Variants in SOS1 observed in about 807,000 individuals in gnomAD.
SOS1 encodes SOS Ras/Rac guanine nucleotide exchange factor 1, also known as son of sevenless homolog 1.
Under a neutral mutation model 157.6 loss-of-function variants are expected in SOS1, and 25 were observed. The observed-to-expected ratio is 0.16, with a 90% CI of 0.12 to 0.22. The LOEUF (loss-of-function observed/expected upper bound fraction) is 0.22, where lower values mean the gene tolerates loss of function less well. SOS1 is among the 10% of genes least tolerant of loss of function. SOS1 has a pLI of 1.00. For missense variants in SOS1, 1,237 were observed against 1,599.1 expected (o/e 0.77, Z 3.86); for synonymous variants, 528 against 534.0 (o/e 0.99, Z 0.16).
In SOS1 at chr2:38,986,128, A is replaced by C. The variant is rs1668551253; in HGVS notation, c.3698T>G (p.Leu1233Arg). The C allele has an allele frequency of 1.9e-6, 3 of 1,613,572 alleles. No homozygotes were observed. Among genetic ancestry groups the C allele is most frequent in the African/African-American group, 1.3e-5 (1 of 74,886 alleles). The change falls in exon 23 of 23, where the codon CTC (leucine) becomes CGC (arginine). Residue 1233 changes from leucine to arginine, a missense_variant. This residue lies in a region of SOS1 where 306 missense variants were observed against 322.6 expected (regional missense o/e 0.95). Coordinates refer to ENST00000402219, the MANE Select transcript of SOS1 (RefSeq NM_005633.4). ...TTTTTTGCCCAAAGGGGGAGGTTGG[A>C]GATGTAGTGGTGAGCTTGAGAAAAC... The part of the protein sequence containing the change: ...PDVFSSSPLH[L>R]QPPPLGKKSD...
intron 1 of SOS1, among the ~76,000 whole-genome samples, chr2:39,092,190 T>C (rs540266304): frequency 6.6e-6 from 1 of 152,164 alleles, no homozygotes; most frequent in Non-Finnish European, 1.5e-5. Flanking sequence ...ACTCTAGTCA[T>C]ACTGGTTTTT....
chr2:39,043,972 T>C lies in SOS1; in HGVS notation c.864+7172A>G, dbSNP rs183872436. Among the ~76,000 whole-genome samples, 44 of 152,358 alleles carry C rather than the reference T, an allele frequency of 2.9e-4. No homozygotes were observed. In the East Asian group the frequency reaches 3.5e-3, roughly 12 times the overall value. On this transcript the variant is annotated intron_variant, in intron 6 of 22. Transcript: ENST00000402219. ...ATTCATTTTTTAATGTTTTTTAACT[T>C]AGGACATTGATGCTACTCTTTTACA...
At chr2:39,003,066 C>CAAAAAAAAAACA (rs376161311) in intron 17 of SOS1, among the ~76,000 whole-genome samples, 18,257 of 71,340 alleles carry the variant, frequency 0.26, 1,458 homozygotes, top group Non-Finnish European at 0.39. Flanking sequence ...GACCTTGTAT[C>CAAAAAAAAAACA]AAAAAAAAAA....
rs58568306 is a variant in SOS1 at position 39,080,702 on chromosome 2, C to T, written c.88-12949G>A. On this transcript the variant is annotated intron_variant, in intron 1 of 22. Transcript: ENST00000402219. Reference sequence around the variant, plus strand: ...ACAAATAAATTGATACAACTATAAACGCGGTCCTGGTATTTAGGCATATGA... The same window carrying T: ...ACAAATAAATTGATACAACTATAAATGCGGTCCTGGTATTTAGGCATATGA... 9.2e-5 allele frequency among the ~76,000 whole-genome samples: 14 copies of T among 151,800 alleles called. No individual in the cohort carries two copies. In the East Asian group the frequency reaches 1.2e-3, roughly 13 times the overall value.
chr2:39,088,907 T>C (rs1672477846), intron 1 of SOS1, among the ~76,000 whole-genome samples: 4 of 152,230 alleles, frequency 2.6e-5, no homozygotes, highest in Admixed American at 2.6e-4. Flanking sequence ...ACAGAAGCTA[T>C]ACCATTTTAG....
chr2:39,072,659 GTTTT>G (rs1671828865), intron 1 of SOS1, among the ~76,000 whole-genome samples: 1 of 152,136 alleles, frequency 6.6e-6, no homozygotes, highest in African/African-American at 2.4e-5. Context: ...TTCATATTCA[GTTTT>G]ATTTATTGAT....
chr2:39,115,965 C>A (rs1673634766), intron 1 of SOS1, among the ~76,000 whole-genome samples: 1 of 151,542 alleles, frequency 6.6e-6, no homozygotes, highest in Non-Finnish European at 1.5e-5. Flanking sequence ...CAATAGTATT[C>A]CACTGTTTGT....
intron 1 of SOS1, among the ~76,000 whole-genome samples, chr2:39,109,782 T>A (rs908405644): frequency 6.6e-6 from 1 of 152,210 alleles, no homozygotes; most frequent in East Asian, 1.9e-4. Context: ...ATGTACACAA[T>A]ATTGCCTAGG....
In SOS1 at chr2:38,986,286, TG is replaced by T; in HGVS notation, c.3539del (p.Pro1180GlnfsTer41). ...ATGTGGGTTGCCTAGGAGGAATGGCTGGGGGACTGTCCAAATGCTTAGACAT... is the reference window on the plus strand; with the variant it reads ...ATGTGGGTTGCCTAGGAGGAATGGCTGGGGACTGTCCAAATGCTTAGACAT... The part of the protein sequence containing the change: ...KIMSKHLDSP[P>X]AIPPRQPTSK... On this transcript the variant is annotated frameshift_variant, in exon 23 of 23. Transcript: ENST00000402219. LOFTEE classifies it high-confidence loss of function. 1 of 1,613,110 alleles carries T rather than the reference TG, an allele frequency of 6.2e-7. No homozygotes were observed.
chr2:39,000,748 G>A (rs1430837063), intron 17 of SOS1, among the ~76,000 whole-genome samples: 1 of 152,178 alleles, frequency 6.6e-6, no homozygotes, highest in Non-Finnish European at 1.5e-5. Flanking sequence ...AGAAACTACG[G>A]AACTGTATCT....
chr2:39,024,126 T>C lies in SOS1; in HGVS notation c.1086A>G (p.Glu362=). The stretch of plus-strand genomic sequence containing the variant: ...CCTTGTCTTCTTGATCTTCACTTTT[T>C]TCTTCTAACTGCTGTAAAGCCAAAA... ...HYFELLKQLE[E]KSEDQEDKEC... The change falls in exon 9 of 23, where the codon GAA becomes GAG. Residue 362 remains glutamate (E), a synonymous_variant. Transcript: ENST00000402219. 1 of 1,611,598 alleles carries C rather than the reference T, an allele frequency of 6.2e-7. No homozygotes were observed. The highest frequency in any genetic ancestry group is 8.5e-7 in the Non-Finnish European group (1 of 1,177,950).
chr2:39,035,286 C>T lies in SOS1; in HGVS notation c.1000G>A (p.Ala334Thr), dbSNP rs765820430. The change falls in exon 8 of 23, where the codon GCT becomes ACT. Residue 334 changes from alanine to threonine, a missense_variant. Ala to Thr is a moderately conservative substitution (Grantham distance 58). Coordinates refer to ENST00000402219, the MANE Select transcript of SOS1 (RefSeq NM_005633.4). ...AGCCTGGGTAAAACATATTGAACAG[C>T]TTCTTTGAAACCTTCGCCTATTGAC... ...LQSIGEGFKE[A>T]VQYVLPRLLL... The T allele has an allele frequency of 2.5e-6, 4 of 1,613,634 alleles. No individual in the cohort carries two copies. In the Admixed American group the frequency reaches 6.7e-5, roughly 27 times the overall value.
Position 39,023,219 on chromosome 2 carries a change from A to G in SOS1, c.1209T>C (p.Ser403=). ...KSLAKRRLSE[S]ACRFYSQQMK... ...TTTGCTGACTATAAAACCGACATGC[A>G]GATTCACTGGAATAAAGAAAAAGAC... Residue 403 remains serine, a synonymous_variant, in exon 10 of 23, where the codon TCT becomes TCC. Coordinates refer to ENST00000402219, the MANE Select transcript of SOS1 (RefSeq NM_005633.4). The G allele has an allele frequency of 1.9e-6, 3 of 1,611,924 alleles. No individual in the cohort carries two copies. Among genetic ancestry groups the G allele is most frequent in the Non-Finnish European group, 2.5e-6 (3 of 1,178,402 alleles).
chr2:39,112,196 C>T (rs1052062235), intron 1 of SOS1, among the ~76,000 whole-genome samples: 3 of 151,830 alleles, frequency 2.0e-5, no homozygotes, highest in African/African-American at 4.9e-5. Context: ...TCTCTACTGC[C>T]GCTACCTGCA....
At chr2:39,013,672 T>G in intron 12 of SOS1, 109 bp from the exon 13 acceptor site, 1 of 940,826 alleles carries the variant, frequency 1.1e-6, no homozygotes, top group Non-Finnish European at 1.8e-6. Context: ...AAATTAATCT[T>G]ATCAGTGTGC....
intron 1 of SOS1, among the ~76,000 whole-genome samples, chr2:39,111,232 C>CAA (rs577025319): frequency 6.7e-6 from 1 of 149,354 alleles, no homozygotes; most frequent in Non-Finnish European, 1.5e-5. Flanking sequence ...GACTCCATCT[C>CAA]AAAAAAAAAT....
intron 1 of SOS1, among the ~76,000 whole-genome samples, chr2:39,070,719 T>C (rs757288735): frequency 6.6e-6 from 1 of 152,218 alleles, no homozygotes; most frequent in Non-Finnish European, 1.5e-5. Flanking sequence ...CACTTAGATG[T>C]AGTCCTAGAA....
chr2:39,089,671 G>A (rs142044622), intron 1 of SOS1, among the ~76,000 whole-genome samples: 128 of 152,152 alleles, frequency 8.4e-4, no homozygotes, highest in African/African-American at 3.0e-3. Context: ...ATGTCCTTGA[G>A]TCTCCTACTA....
chr2:39,049,655 G>C (rs189708833), intron 6 of SOS1, among the ~76,000 whole-genome samples: 129 of 152,164 alleles, frequency 8.5e-4, no homozygotes, highest in African/African-American at 3.1e-3. Flanking sequence ...TTCTTAGTGG[G>C]AGACTTAATG....
Sources: allele counts gnomAD v4.1 joint callset (sites outside exome capture counted in the v4.1 genomes callset), GRCh38; gene constraint gnomAD v4.1.1; regional missense constraint gnomAD v4.1.1; transcripts MANE v1.5; gene names NCBI Gene and HGNC (gene_info 2026-07-23, HGNC 2026-07-21).